CNTN4: variants seen among roughly 807,000 people sequenced by gnomAD.
CNTN4 encodes the protein contactin-4.
CNTN4 carries 77 observed loss-of-function variants against 122.5 expected under a neutral mutation model. That is an observed-to-expected ratio of 0.63 (90% CI 0.52 to 0.76). CNTN4 has a LOEUF of 0.76. Ranked by LOEUF, CNTN4 falls within the 30% of genes least tolerant of loss-of-function variation. The pLI is 0.00. For missense variants in CNTN4, 1,256 were observed against 1,259.1 expected, an observed-to-expected ratio of 1.00 and a Z score of 0.04; for synonymous variants, 512 against 447.0, an observed-to-expected ratio of 1.15 and a Z score of -1.83.
At chr3:2,203,597 G>T (rs1295655935) in intron 2 of CNTN4, among the ~76,000 whole-genome samples, 1 of 152,132 alleles carries the variant, frequency 6.6e-6, no homozygotes, top group East Asian at 1.9e-4. Flanking sequence ...GTTAATTAGA[G>T]AAAATGTACC....
intron 3 of CNTN4, among the ~76,000 whole-genome samples, chr3:2,498,303 G>T (rs970721656): frequency 6.6e-6 from 1 of 152,142 alleles, no homozygotes; most frequent in Non-Finnish European, 1.5e-5. Context: ...CTGCTAGGTT[G>T]TGTGGTAATT....
At chr3:2,672,692 C>T (rs1028431210) in intron 4 of CNTN4, among the ~76,000 whole-genome samples, 4 of 152,326 alleles carry the variant, frequency 2.6e-5, no homozygotes, top group Admixed American at 6.5e-5. Context: ...CTGTGTTGCT[C>T]ACACTGGGAG....
At chr3:2,282,886 C>A (rs2041768138) in intron 2 of CNTN4, among the ~76,000 whole-genome samples, 1 of 152,090 alleles carries the variant, frequency 6.6e-6, no homozygotes, top group Non-Finnish European at 1.5e-5. Flanking sequence ...TGAAAGAAGT[C>A]ATATACAAAA....
chr3:2,281,126 A>C (rs973224855), intron 2 of CNTN4, among the ~76,000 whole-genome samples: 1 of 152,182 alleles, frequency 6.6e-6, no homozygotes, highest in Non-Finnish European at 1.5e-5. Flanking sequence ...TCACCTCCTC[A>C]TTTCTAAAAG....
intron 2 of CNTN4, among the ~76,000 whole-genome samples, chr3:2,167,001 C>G (rs1363563410): frequency 6.6e-6 from 1 of 152,014 alleles, no homozygotes; most frequent in Non-Finnish European, 1.5e-5. Context: ...TAGTAGTAAT[C>G]ATTTCACTAT....
intron 4 of CNTN4, among the ~76,000 whole-genome samples, chr3:2,573,108 G>A (rs185977895): frequency 1.3e-5 from 2 of 152,260 alleles, no homozygotes; most frequent in African/African-American, 4.8e-5. Flanking sequence ...GATGTAAACC[G>A]AAGCCGACTA....
intron 6 of CNTN4, among the ~76,000 whole-genome samples, chr3:2,816,066 A>C (rs2092719775): frequency 6.6e-6 from 1 of 151,854 alleles, no homozygotes; most frequent in South Asian, 2.1e-4. Flanking sequence ...TAAAAATGAT[A>C]CAATGAGGCC....
intron 2 of CNTN4, among the ~76,000 whole-genome samples, chr3:2,189,104 C>T (rs2037404792): frequency 6.6e-6 from 1 of 152,142 alleles, no homozygotes; most frequent in Non-Finnish European, 1.5e-5. Context: ...ATGACCTTTC[C>T]TTCTTTTTTT....
intron 6 of CNTN4, among the ~76,000 whole-genome samples, chr3:2,797,947 TAGA>T (rs2092241798): frequency 6.8e-6 from 1 of 147,918 alleles, no homozygotes; most frequent in Non-Finnish European, 1.5e-5. Flanking sequence ...GGTATAAATT[TAGA>T]AGGTAAAAGT....
intron 4 of CNTN4, among the ~76,000 whole-genome samples, chr3:2,639,902 C>A (rs1171526842): frequency 6.6e-6 from 1 of 152,170 alleles, no homozygotes; most frequent in Non-Finnish European, 1.5e-5. Context: ...TAAGGAACAA[C>A]TAAGCTATCT....
At chr3:2,224,520 G>A (rs988638145) in intron 2 of CNTN4, among the ~76,000 whole-genome samples, 8 of 152,088 alleles carry the variant, frequency 5.3e-5, no homozygotes, top group African/African-American at 1.7e-4. Flanking sequence ...ATTCAACTGT[G>A]TACCATTACT....
intron 4 of CNTN4, among the ~76,000 whole-genome samples, chr3:2,669,431 G>C (rs2084368689): frequency 6.6e-6 from 1 of 152,086 alleles, no homozygotes; most frequent in Non-Finnish European, 1.5e-5. Context: ...TGGGATCAGT[G>C]GTGATATCCC....
At chr3:2,942,035 T>C (rs1434510825) in intron 13 of CNTN4, among the ~76,000 whole-genome samples, 1 of 152,184 alleles carries the variant, frequency 6.6e-6, no homozygotes, top group Non-Finnish European at 1.5e-5. Context: ...GAGTTGACTG[T>C]TATCTGCCTT....
intron 2 of CNTN4, among the ~76,000 whole-genome samples, chr3:2,225,010 T>G (rs1009523530): frequency 1.3e-5 from 2 of 151,056 alleles, no homozygotes; most frequent in Non-Finnish European, 3.0e-5. Context: ...ATTAGCCGGT[T>G]GCGGTGGCGG....
At chr3:2,620,515 ATATT>A (rs2081952807) in intron 4 of CNTN4, among the ~76,000 whole-genome samples, 1 of 152,026 alleles carries the variant, frequency 6.6e-6, no homozygotes, top group South Asian at 2.1e-4. Context: ...ATATATATAT[ATATT>A]TATTAAGGGT....
intron 6 of CNTN4, among the ~76,000 whole-genome samples, chr3:2,756,504 C>G (rs1233631230): frequency 6.6e-6 from 1 of 152,142 alleles, no homozygotes. Context: ...GTTAAGTTTC[C>G]CAGTCTATTG....
intron 14 of CNTN4, among the ~76,000 whole-genome samples, chr3:3,003,714 A>AAAAAAAAC (rs1696300635): frequency 2.7e-5 from 3 of 110,282 alleles, no homozygotes; most frequent in Non-Finnish European, 6.2e-5. Flanking sequence ...AAAAAAAAAA[A>AAAAAAAAC]CAAAAAAACC....
chr3:2,807,915 T>G (rs1333396723), intron 6 of CNTN4, among the ~76,000 whole-genome samples: 1 of 152,150 alleles, frequency 6.6e-6, no homozygotes. Flanking sequence ...ATACCTACTC[T>G]TTGGATAGAA....
chr3:2,862,070 C>T (rs560432846), intron 7 of CNTN4, among the ~76,000 whole-genome samples: 6 of 152,336 alleles, frequency 3.9e-5, no homozygotes, highest in African/African-American at 1.4e-4. Flanking sequence ...TTTCTCTAGA[C>T]TTCAGTTTCC....
Sources: gnomAD v4.1 joint callset for allele counts (sites outside exome capture counted in the v4.1 genomes callset) on GRCh38, gnomAD v4.1.1 for gene constraint, MANE v1.5 for transcripts, NCBI Gene and HGNC (gene_info 2026-07-23, HGNC 2026-07-21) for gene names.